The following DENND2D variants were observed in gnomAD, a reference collection of about 807,000 sequenced individuals.
The protein encoded by DENND2D is DENN domain-containing protein 2D.
Under a neutral mutation model 59.8 loss-of-function variants are expected in DENND2D, and 37 were observed. That is an observed-to-expected ratio of 0.62 (90% confidence interval 0.48 to 0.81). The LOEUF (loss-of-function observed/expected upper bound fraction) is 0.81, where lower values mean the gene tolerates loss of function less well. Among genes scored for constraint, DENND2D ranks in the 40% least tolerant of loss-of-function variants. DENND2D has a pLI of 0.00. For synonymous variants in DENND2D, 219 were observed against 211.3 expected (o/e 1.04, Z -0.31); for missense variants, 525 against 579.7 (o/e 0.91, Z 0.97).
In DENND2D at chr1:111,196,063, G is replaced by A; in HGVS notation, c.505-7C>T. 6.2e-7 allele frequency: 1 copy of A among 1,603,074 alleles called. No homozygotes were observed. The highest frequency in any genetic ancestry group is 1.3e-5 in the African/African-American group (1 of 74,642). The stretch of plus-strand genomic sequence containing the variant: ...TCTCCACTTCATCCAGGATCTGCAG[G>A]GAAAAGAACCACGGGAGGCACGGCT... On this transcript the variant is annotated splice_polypyrimidine_tract_variant and splice_region_variant and intron_variant, in intron 5 of 11. Transcript: ENST00000357640.
intron 1 of DENND2D, chr1:111,200,111 G>A (rs542422407): frequency 9.0e-6 from 5 of 558,552 alleles, no homozygotes; most frequent in East Asian, 3.0e-5. Context: ...CTAACCTGTC[G>A]GGTGCTTCTG....
chr1:111,191,221 G>A lies in DENND2D; in HGVS notation c.972+919C>T, dbSNP rs922872726. On this transcript the variant is annotated intron_variant, in intron 8 of 11. Coordinates refer to ENST00000357640, the MANE Select transcript of DENND2D (RefSeq NM_024901.5). ...AGTCCTAAGGAAGGATGAGGGGGCC[G>A]GTGGAGCAAAGAAGGGAAACACAGC... Among the ~76,000 whole-genome samples, 11 of 152,306 alleles carry A rather than the reference G, an allele frequency of 7.2e-5. No homozygotes were observed. The East Asian group carries it at 2.1e-3, about 29-fold the overall frequency.
chr1:111,200,812 G>A, upstream of DENND2D: 1 of 856,038 alleles, frequency 1.2e-6, no homozygotes, highest in Non-Finnish European at 1.5e-6. Context: ...CTACTTATGG[G>A]CTAAGGGTTT....
chr1:111,188,638 G>A, intron 10 of DENND2D, 64 bp downstream of exon 10: 1 of 1,441,158 alleles, frequency 6.9e-7, no homozygotes, highest in Non-Finnish European at 9.7e-7. Flanking sequence ...GTTCTGGAAG[G>A]GAATGATTGA....
chr1:111,199,947 G>T, intron 1 of DENND2D, 149 bp from the exon 2 acceptor site: 2 of 1,018,246 alleles, frequency 2.0e-6, no homozygotes, highest in Non-Finnish European at 2.8e-6. Context: ...AGTCACTCAG[G>T]ATCAGGGCCA....
chr1:111,200,510 A>C lies in DENND2D; in HGVS notation c.-51T>G, dbSNP rs1658701059. On this transcript the variant is annotated 5_prime_UTR_variant, in exon 1 of 12. Transcript: ENST00000357640. ...CTCCCCTCTCCCCTAACACAGACAG[A>C]CTGGTGACAGTAAGCCTGAGAAAGG... is the stretch of plus-strand genomic sequence containing the variant. 1 of 1,568,766 alleles carries C rather than the reference A, an allele frequency of 6.4e-7. No individual in the cohort carries two copies. The highest frequency in any genetic ancestry group is 1.4e-5 in the African/African-American group (1 of 73,506).
upstream of DENND2D, among the ~76,000 whole-genome samples, chr1:111,203,849 G>A (rs537834951): frequency 6.6e-6 from 1 of 152,280 alleles, no homozygotes; most frequent in East Asian, 1.9e-4. Flanking sequence ...GGGCAGGGGC[G>A]CTGGCTCCGA....
At chr1:111,194,939 C>G (rs1300801550) in intron 6 of DENND2D, among the ~76,000 whole-genome samples, 1 of 152,046 alleles carries the variant, frequency 6.6e-6, no homozygotes, top group South Asian at 2.1e-4. Context: ...CTCGCCTCCC[C>G]GAGCACACGC....
upstream of DENND2D, among the ~76,000 whole-genome samples, chr1:111,203,831 C>T (rs1659040592): frequency 1.3e-5 from 2 of 151,298 alleles, no homozygotes; most frequent in Admixed American, 1.3e-4. Flanking sequence ...TGGCTATCTG[C>T]TGGGCAGGGG....
In DENND2D at chr1:111,197,975, A is replaced by C; in HGVS notation, c.371T>G (p.Phe124Cys). The change falls in exon 4 of 12, where the codon TTC (phenylalanine) becomes TGC (cysteine). Residue 124 changes from phenylalanine (F) to cysteine (C), a missense_variant. Around this residue, in one of 3 missense-constraint regions of DENND2D, gnomAD observed 253 missense variants for 246.4 expected, o/e 1.03. Transcript: ENST00000357640. Reference sequence around the variant, plus strand: ...GCTCCCATCCACATTGGTCAGAACGAAGGAGAAGGTCTCCCTAAGAAAGAG... The same window carrying C: ...GCTCCCATCCACATTGGTCAGAACGCAGGAGAAGGTCTCCCTAAGAAAGAG... ...LTEYPRETFSFVLTNVDGSRK... is the reference protein window; with the variant it reads ...LTEYPRETFSCVLTNVDGSRK... 2 of 1,614,138 alleles carry C rather than the reference A, an allele frequency of 1.2e-6. No individual in the cohort carries two copies. The highest frequency in any genetic ancestry group is 1.7e-6 in the Non-Finnish European group (2 of 1,180,002).
chr1:111,189,831 T>C (rs925065441), intron 8 of DENND2D, among the ~76,000 whole-genome samples: 2 of 152,192 alleles, frequency 1.3e-5, no homozygotes, highest in Admixed American at 6.5e-5. Context: ...CATCTTTTTA[T>C]TTTTTTCATG....
In DENND2D at chr1:111,187,302, C is replaced by G. The variant is rs1657312712; in HGVS notation, c.*303G>C. On this transcript the variant is annotated 3_prime_UTR_variant, in exon 12 of 12. Coordinates refer to ENST00000357640, the MANE Select transcript of DENND2D (RefSeq NM_024901.5). ...TTATAATGATGGGAGAGGGCAGTTGCAGCAGCTTCTAACCAAGTGTCTACA... is the reference window on the plus strand; with the variant it reads ...TTATAATGATGGGAGAGGGCAGTTGGAGCAGCTTCTAACCAAGTGTCTACA... The G allele has an allele frequency of 2.9e-6, 1 of 343,026 alleles. No homozygotes were observed. Among genetic ancestry groups the G allele is most frequent in the Non-Finnish European group, 5.4e-6 (1 of 183,658 alleles). The allele number at this position is 343,026 out of a possible 1,614,324, so 21.2% of individuals were successfully genotyped here. A position where few individuals can be genotyped will look rare whatever the true frequency, so the allele number is the denominator to read the frequency against.
intron 8 of DENND2D, among the ~76,000 whole-genome samples, chr1:111,191,827 A>G (rs1235765426): frequency 2.6e-5 from 4 of 152,172 alleles, no homozygotes; most frequent in Admixed American, 2.6e-4. Context: ...GCCAGCTGGC[A>G]CAGAACAGTC....
chr1:111,201,183 A>G (rs1025332878), upstream of DENND2D: 3 of 152,886 alleles, frequency 2.0e-5, no homozygotes, highest in Non-Finnish European at 4.4e-5. Flanking sequence ...CTGGAAGTCA[A>G]TACCCAATAG....
In DENND2D at chr1:111,200,560, C is replaced by G; in HGVS notation, c.-101G>C. 6.6e-7 allele frequency: 1 copy of G among 1,523,944 alleles called. No homozygotes were observed. The highest frequency in any genetic ancestry group is 8.8e-7 in the Non-Finnish European group (1 of 1,130,612). 94.4% of individuals were successfully genotyped at this position (1,523,944 alleles called of 1,614,324 possible). A position where few individuals can be genotyped will look rare whatever the true frequency, so the allele number is the denominator to read the frequency against. ...GGGCTGCTTCGGTCTCCAGCCACAA[C>G]TCTGTGAAGCCAAGCCACGCGCTGT... is the stretch of plus-strand genomic sequence containing the variant. On this transcript the variant is annotated 5_prime_UTR_variant, in exon 1 of 12. Coordinates refer to ENST00000357640, the MANE Select transcript of DENND2D (RefSeq NM_024901.5).
Position 111,191,086 on chromosome 1 carries a change from A to C in DENND2D, c.972+1054T>G, listed in dbSNP as rs1047828096. 2.6e-5 allele frequency among the ~76,000 whole-genome samples: 4 copies of C among 152,294 alleles called. No individual in the cohort carries two copies. In the South Asian group the frequency reaches 8.3e-4, roughly 32 times the overall value. On this transcript the variant is annotated intron_variant, in intron 8 of 11. Coordinates refer to ENST00000357640, the MANE Select transcript of DENND2D (RefSeq NM_024901.5). ...TGGAGCTGCAGAGTCAAGAAGTTTCATAATTTCTGGGGTTGGAACATTTAA... is the reference window on the plus strand; with the variant it reads ...TGGAGCTGCAGAGTCAAGAAGTTTCCTAATTTCTGGGGTTGGAACATTTAA...
At chr1:111,200,251 G>T in intron 1 of DENND2D, 142 bp downstream of exon 1, 1 of 1,151,370 alleles carries the variant, frequency 8.7e-7, no homozygotes, top group Non-Finnish European at 1.2e-6. Flanking sequence ...ACCAGCAGAG[G>T]AAGCCTCCTG....
In DENND2D at chr1:111,199,719, C is replaced by T; in HGVS notation, c.147G>A (p.Gly49=). The T allele has an allele frequency of 1.2e-6, 2 of 1,614,160 alleles. No individual in the cohort carries two copies. Among genetic ancestry groups the T allele is most frequent in the Non-Finnish European group, 1.7e-6 (2 of 1,180,032 alleles). Reference sequence around the variant, plus strand: ...GAAGGTATTCAAAGAAGTGCTGCCCCCCAGCAAAGTTGGGCAAAGAGTGCT... The same window carrying T: ...GAAGGTATTCAAAGAAGTGCTGCCCTCCAGCAAAGTTGGGCAAAGAGTGCT... ...AQEHSLPNFA[G]GQHFFEYLLV... The change falls in exon 2 of 12, where the codon GGG becomes GGA. Residue 49 remains glycine, a synonymous_variant. Transcript: ENST00000357640.
At chr1:111,199,851 G>A in intron 1 of DENND2D, 53 bp from the exon 2 acceptor site, 12 of 1,571,780 alleles carry the variant, frequency 7.6e-6, no homozygotes, top group Middle Eastern at 1.7e-4. Flanking sequence ...CATTCCTGGA[G>A]TGGAGTCTGT....
Sources: gnomAD v4.1 joint callset for allele counts (sites outside exome capture counted in the v4.1 genomes callset) on GRCh38, gnomAD v4.1.1 for gene constraint, gnomAD v4.1.1 regional missense constraint, MANE v1.5 for transcripts, NCBI Gene and HGNC (gene_info 2026-07-23, HGNC 2026-07-21) for gene names.